Variants in DAB1 observed in about 807,000 individuals in gnomAD.
DAB1 encodes DAB adaptor protein 1, also known as disabled homolog 1.
Under a neutral mutation model 64.6 loss-of-function variants are expected in DAB1, and 15 were observed. The ratio of observed to expected loss-of-function variants is 0.23; its 90% CI spans 0.16 to 0.36. DAB1 has a LOEUF of 0.36. DAB1 is among the 10% of genes least tolerant of loss of function. The pLI is 1.00. For missense variants in DAB1, 596 were observed against 706.7 expected (o/e 0.84, Z 1.78); for synonymous variants, 235 against 251.9 (o/e 0.93, Z 0.64).
chr1:57,440,625 G>A (rs1685905023), intron 7 of DAB1, among the ~76,000 whole-genome samples: 1 of 152,096 alleles, frequency 6.6e-6, no homozygotes, highest in Non-Finnish European at 1.5e-5. Flanking sequence ...GTTACCAAAG[G>A]ATGCTAAAGG....
At chr1:57,560,852 A>G (rs1645042363) in intron 7 of DAB1, among the ~76,000 whole-genome samples, 1 of 152,170 alleles carries the variant, frequency 6.6e-6, no homozygotes, top group African/African-American at 2.4e-5. Context: ...TCTTCAGATA[A>G]CTACTCTCCT....
At chr1:57,260,797 G>T (rs534140418) in intron 2 of DAB1, among the ~76,000 whole-genome samples, 3 of 152,266 alleles carry the variant, frequency 2.0e-5, no homozygotes, top group African/African-American at 7.2e-5. Context: ...CTGCATGCAA[G>T]CAGGGCCTGG....
At chr1:58,239,541 G>T (rs903715101) in intron 4 of DAB1, among the ~76,000 whole-genome samples, 1 of 152,186 alleles carries the variant, frequency 6.6e-6, no homozygotes, top group African/African-American at 2.4e-5. Context: ...GGAAAAGGAT[G>T]CTTTTGTGTT....
intron 1 of DAB1, among the ~76,000 whole-genome samples, chr1:57,831,156 G>A (rs567943744): frequency 1.0e-3 from 153 of 152,152 alleles, no homozygotes; most frequent in African/African-American, 3.2e-3. Flanking sequence ...CCCGTGGTCC[G>A]CCCACCTCGG....
chr1:57,294,394 T>C (rs1007284773), intron 1 of DAB1, among the ~76,000 whole-genome samples: 2 of 152,066 alleles, frequency 1.3e-5, no homozygotes, highest in Non-Finnish European at 2.9e-5. Flanking sequence ...TTCTAAAATG[T>C]AAAATTTCAT....
At chr1:58,289,332 A>G (rs1661762062) in intron 4 of DAB1, among the ~76,000 whole-genome samples, 1 of 152,174 alleles carries the variant, frequency 6.6e-6, no homozygotes. Context: ...ATGATTGACA[A>G]AAGGCTAAGA....
chr1:57,443,844 T>G (rs1686041736), intron 7 of DAB1, among the ~76,000 whole-genome samples: 1 of 152,200 alleles, frequency 6.6e-6, no homozygotes, highest in African/African-American at 2.4e-5. Context: ...TCCTTCTCCC[T>G]GTTTGCACTC....
chr1:58,171,694 C>A (rs1178160097), intron 4 of DAB1, among the ~76,000 whole-genome samples: 3 of 152,220 alleles, frequency 2.0e-5, no homozygotes, highest in East Asian at 1.9e-4. Context: ...TTAGGGATAG[C>A]CCTCATCTGT....
chr1:58,430,958 A>G (rs1231150777), intron 3 of DAB1, among the ~76,000 whole-genome samples: 1 of 152,230 alleles, frequency 6.6e-6, no homozygotes, highest in Non-Finnish European at 1.5e-5. Flanking sequence ...AGATGCCATT[A>G]GCATTCCCGG....
intron 5 of DAB1, among the ~76,000 whole-genome samples, chr1:58,105,416 G>A (rs546188348): frequency 3.9e-5 from 6 of 152,240 alleles, no homozygotes; most frequent in East Asian, 3.9e-4. Context: ...CTGGGTGCCC[G>A]CATGCATCAT....
At chr1:57,027,255 C>G (rs1234261808) in intron 9 of DAB1, among the ~76,000 whole-genome samples, 1 of 152,136 alleles carries the variant, frequency 6.6e-6, no homozygotes, top group Non-Finnish European at 1.5e-5. Context: ...AAAGGAGCCC[C>G]AGGTCAGGGA....
At chr1:57,831,537 C>CTTTT (rs5774372) in intron 1 of DAB1, among the ~76,000 whole-genome samples, 4 of 112,310 alleles carry the variant, frequency 3.6e-5, no homozygotes, top group Admixed American at 1.0e-4. Context: ...ATTTTCTTCT[C>CTTTT]TTTTTTTTTT....
At chr1:57,795,990 C>CAT (rs911954284) in intron 6 of DAB1, among the ~76,000 whole-genome samples, 3 of 151,528 alleles carry the variant, frequency 2.0e-5, no homozygotes, top group South Asian at 2.1e-4. Flanking sequence ...AACAAGGTAT[C>CAT]ATATATATAC....
At chr1:57,248,240 TTTG>T (rs1418230944) in intron 2 of DAB1, among the ~76,000 whole-genome samples, 2 of 152,166 alleles carry the variant, frequency 1.3e-5, no homozygotes, top group Non-Finnish European at 1.5e-5. Context: ...TTATTGTTGT[TTTG>T]TTATTTTTAT....
intron 12 of DAB1, among the ~76,000 whole-genome samples, chr1:57,014,381 AT>A (rs1302683549): frequency 6.6e-6 from 1 of 152,186 alleles, no homozygotes; most frequent in Admixed American, 6.5e-5. Context: ...CTTGATCCTT[AT>A]TTTATATTCT....
intron 9 of DAB1, among the ~76,000 whole-genome samples, chr1:57,026,908 T>A (rs529155532): frequency 1.3e-5 from 2 of 152,312 alleles, no homozygotes; most frequent in South Asian, 4.1e-4. Flanking sequence ...GTCTATGGCG[T>A]GACTTAATTA....
At chr1:57,904,253 A>G (rs940033346) in intron 5 of DAB1, among the ~76,000 whole-genome samples, 2 of 152,172 alleles carry the variant, frequency 1.3e-5, no homozygotes, top group Non-Finnish European at 2.9e-5. Context: ...GATGTTTCAG[A>G]TCTGCATGCA....
chr1:57,013,314 C>T (rs1646321691), intron 12 of DAB1, among the ~76,000 whole-genome samples: 1 of 152,300 alleles, frequency 6.6e-6, no homozygotes, highest in Admixed American at 6.5e-5. Context: ...CCAGTTCCTG[C>T]CCTCAAAGAA....
chr1:57,218,360 G>A (rs1310512702), intron 2 of DAB1, among the ~76,000 whole-genome samples: 1 of 151,802 alleles, frequency 6.6e-6, no homozygotes. Flanking sequence ...AACATCCTGG[G>A]CAGAATTATC....
Sources: gnomAD v4.1 joint callset for allele counts (sites outside exome capture counted in the v4.1 genomes callset) on GRCh38, gnomAD v4.1.1 for gene constraint, MANE v1.5 for transcripts, NCBI Gene and HGNC (gene_info 2026-07-23, HGNC 2026-07-21) for gene names.